Variants in RYR2 observed in about 807,000 individuals in gnomAD.
RYR2 encodes the protein cardiac muscle ryanodine receptor-calcium release channel.
A neutral mutation model predicts 601.1 loss-of-function variants in RYR2; 227 were observed. The ratio of observed to expected loss-of-function variants is 0.38; its 90% confidence interval spans 0.34 to 0.42. The LOEUF is 0.42. RYR2 is among the 10% of genes least tolerant of loss of function. RYR2 has a pLI of 1.00. For synonymous variants in RYR2, 2,223 were observed against 2,175.1 expected (o/e 1.02, Z -0.61); for missense variants, 4,646 against 6,156.5 (o/e 0.75, Z 8.21).
intron 1 of RYR2, among the ~76,000 whole-genome samples, chr1:237,165,102 C>T (rs990243347): frequency 1.3e-5 from 2 of 151,652 alleles, no homozygotes; most frequent in Admixed American, 1.3e-4. Context: ...GGACTATAGG[C>T]GCATGCACCA....
chr1:237,257,901 C>A (rs1000976661), intron 1 of RYR2, among the ~76,000 whole-genome samples: 1 of 152,050 alleles, frequency 6.6e-6, no homozygotes, highest in Non-Finnish European at 1.5e-5. Flanking sequence ...CAGTAGCTCA[C>A]GCCTGTAATC....
At position 237,495,506 on chromosome 1, in the gene RYR2, T is replaced by TTTTG. The variant is rs371798751; in HGVS notation, c.1962-989_1962-986dup. 9.9e-3 allele frequency among the ~76,000 whole-genome samples: 1,502 copies of TTTTG among 152,282 alleles called. 24 individuals are homozygous for TTTTG. Among genetic ancestry groups the TTTTG allele is most frequent in the African/African-American group, 0.032 (1,332 of 41,546 alleles). ...AGCAAAGTCCAAGCACCTTCTATGT[T>TTTTG]TTTGTTTGTTTGTTTGTTTTACAGT... On this transcript the variant is annotated intron_variant, in intron 19 of 104. Coordinates refer to ENST00000366574, the MANE Select transcript of RYR2 (RefSeq NM_001035.3).
intron 47 of RYR2, among the ~76,000 whole-genome samples, chr1:237,641,680 T>C (rs1223048766): frequency 6.6e-6 from 1 of 152,138 alleles, no homozygotes; most frequent in East Asian, 1.9e-4. Context: ...TAGCTGGGAC[T>C]ACAGGCACAT....
chr1:237,503,308 G>A lies in RYR2; in HGVS notation c.2416G>A (p.Gly806Arg). 6.2e-7 allele frequency: 1 copy of A among 1,610,294 alleles called. No individual in the cohort carries two copies. ...CTTTAGAGTACGCTTTCTGCTTGGAGGGCGACATGGAGAATTCAAATTTCT... is the reference window on the plus strand; with the variant it reads ...CTTTAGAGTACGCTTTCTGCTTGGAAGGCGACATGGAGAATTCAAATTTCT... ...AGIKVRFLLG[G>R]RHGEFKFLPP... is the part of the protein sequence containing the mutation. Residue 806 changes from glycine to arginine, a missense_variant, in exon 22 of 105, where the codon GGG (glycine) becomes AGG (arginine). Transcript: ENST00000366574.
intron 11 of RYR2, among the ~76,000 whole-genome samples, chr1:237,422,314 A>G (rs1469265604): frequency 6.6e-6 from 1 of 152,178 alleles, no homozygotes; most frequent in African/African-American, 2.4e-5. Flanking sequence ...ATGTATAGTG[A>G]TCAGATCAAT....
intron 35 of RYR2, among the ~76,000 whole-genome samples, chr1:237,607,226 A>T (rs1677227115): frequency 1.3e-5 from 2 of 152,226 alleles, no homozygotes; most frequent in South Asian, 4.1e-4. Flanking sequence ...CATATACACC[A>T]CGGAATACTA....
At chr1:237,395,205 G>A (rs1702716985) in intron 10 of RYR2, among the ~76,000 whole-genome samples, 1 of 152,124 alleles carries the variant, frequency 6.6e-6, no homozygotes, top group Non-Finnish European at 1.5e-5. Flanking sequence ...TCTGGGAGAA[G>A]CCATTTATAA....
intron 14 of RYR2, among the ~76,000 whole-genome samples, chr1:237,449,147 A>G (rs750134101): frequency 2.0e-5 from 3 of 152,072 alleles, no homozygotes; most frequent in Non-Finnish European, 4.4e-5. Context: ...ACACTTTGTC[A>G]TTGTCCCATT....
intron 1 of RYR2, among the ~76,000 whole-genome samples, chr1:237,236,415 G>T (rs967090573): frequency 5.9e-5 from 9 of 152,176 alleles, no homozygotes; most frequent in Admixed American, 5.2e-4. Flanking sequence ...TATGTCCAAA[G>T]AGTTAGAATA....
intron 1 of RYR2, among the ~76,000 whole-genome samples, chr1:237,112,942 CG>C (rs1425600482): frequency 3.9e-5 from 6 of 152,034 alleles, no homozygotes; most frequent in African/African-American, 1.2e-4. Flanking sequence ...AGAGCCCTGG[CG>C]TCATATAACT....
In RYR2 at chr1:237,454,374, T is replaced by A; in HGVS notation, c.1293-17T>A. 2 of 1,577,816 alleles carry A rather than the reference T, an allele frequency of 1.3e-6. 1 individual carries two copies. The highest frequency in any genetic ancestry group is 2.4e-5 in the South Asian group (2 of 84,756). On this transcript the variant is annotated splice_polypyrimidine_tract_variant and intron_variant, in intron 14 of 104. Coordinates refer to ENST00000366574, the MANE Select transcript of RYR2 (RefSeq NM_001035.3). ...GTGAATCACTGACAATAGAGAAATG[T>A]TTATGGTTTATTTTAGGGGCCTTGA...
chr1:237,160,818 G>T (rs576993308), intron 1 of RYR2, among the ~76,000 whole-genome samples: 14 of 151,912 alleles, frequency 9.2e-5, no homozygotes, highest in African/African-American at 2.9e-4. Context: ...ATTGATAAAA[G>T]AAAGAATTGT....
intron 2 of RYR2, among the ~76,000 whole-genome samples, chr1:237,318,434 A>G (rs1695314797): frequency 6.6e-6 from 1 of 152,066 alleles, no homozygotes. Flanking sequence ...CACATTTTCA[A>G]TTTCTGACAT....
At chr1:237,826,803 T>G (rs920339999) in intron 101 of RYR2, among the ~76,000 whole-genome samples, 4 of 152,186 alleles carry the variant, frequency 2.6e-5, no homozygotes, top group African/African-American at 9.6e-5. Flanking sequence ...CTTATGAGAA[T>G]GGTGCTCTTA....
chr1:237,498,901 A>G (rs1041003509), intron 20 of RYR2, among the ~76,000 whole-genome samples: 2 of 152,232 alleles, frequency 1.3e-5, no homozygotes. Flanking sequence ...TACGTATCAT[A>G]TCAGGCCTAC....
At chr1:237,626,580 CTTTTTTT>C (rs60885998) in intron 40 of RYR2, among the ~76,000 whole-genome samples, 70 of 40,052 alleles carry the variant, frequency 1.7e-3, no homozygotes, top group African/African-American at 5.3e-3. Flanking sequence ...TTTTCTTTTT[CTTTTTTT>C]TTTTTTTTTT....
At chr1:237,284,513 AT>A (rs376831577) in intron 2 of RYR2, among the ~76,000 whole-genome samples, 13 of 135,480 alleles carry the variant, frequency 9.6e-5, no homozygotes, top group African/African-American at 8.8e-5. Context: ...TAAAATATAT[AT>A]AATATATGTA....
At chr1:237,249,479 G>A (rs1687239886) in intron 1 of RYR2, among the ~76,000 whole-genome samples, 1 of 152,064 alleles carries the variant, frequency 6.6e-6, no homozygotes, top group African/African-American at 2.4e-5. Flanking sequence ...GTTTACAAAG[G>A]GCTTTCATAT....
rs188571761 is a variant in RYR2, at chr1:237,629,561, T to A, written c.6440+1481T>A. ...TAGCAGAAAAAAAAGCTGATGTAGT[T>A]ACATAGATATCAGGCAAAAGAGGAG... is the stretch of plus-strand genomic sequence containing the variant. On this transcript the variant is annotated intron_variant, in intron 41 of 104. Coordinates refer to ENST00000366574, the MANE Select transcript of RYR2 (RefSeq NM_001035.3). Among the ~76,000 whole-genome samples, 24 of 152,084 alleles carry A rather than the reference T, an allele frequency of 1.6e-4. No homozygotes were observed. The East Asian group carries it at 4.3e-3, about 27-fold the overall frequency.
Sources: gnomAD v4.1 joint callset for allele counts (sites outside exome capture counted in the v4.1 genomes callset) on GRCh38, gnomAD v4.1.1 for gene constraint, MANE v1.5 for transcripts, NCBI Gene and HGNC (gene_info 2026-07-23, HGNC 2026-07-21) for gene names.